ATXN2: variants seen among roughly 807,000 people sequenced by gnomAD.
ATXN2 encodes ataxin 2.
A neutral mutation model predicts 138.6 loss-of-function variants in ATXN2; 37 were observed. The ratio of observed to expected loss-of-function variants is 0.27; its 90% CI spans 0.21 to 0.35. The LOEUF is 0.35. ATXN2 is among the 10% of genes least tolerant of loss of function. The pLI, the probability that ATXN2 is intolerant of heterozygous loss-of-function variation, is 1.00. For missense variants in ATXN2, 1,216 were observed against 1,480.3 expected, an observed-to-expected ratio of 0.82 and a Z score of 2.93; for synonymous variants, 549 against 543.7, an observed-to-expected ratio of 1.01 and a Z score of -0.13.
intron 5 of ATXN2, among the ~76,000 whole-genome samples, chr12:111,531,698 T>C (rs1440643569): frequency 6.6e-6 from 1 of 152,164 alleles, no homozygotes; most frequent in Non-Finnish European, 1.5e-5. Flanking sequence ...ATGTATGGAC[T>C]GGAACAACAA....
At chr12:111,558,273 C>T (rs957067721) in intron 1 of ATXN2, among the ~76,000 whole-genome samples, 11 of 152,192 alleles carry the variant, frequency 7.2e-5, no homozygotes, top group Admixed American at 1.3e-4. Context: ...TCAAGTTATG[C>T]TTTACTTTTA....
chr12:111,493,574 ACTC>A (rs1878193548), intron 14 of ATXN2, among the ~76,000 whole-genome samples: 1 of 152,066 alleles, frequency 6.6e-6, no homozygotes, highest in African/African-American at 2.4e-5. Context: ...ATAAACTACT[ACTC>A]ATATTTTGAG....
At position 111,598,560 on chromosome 12, in the gene ATXN2, C is replaced by T; in HGVS notation, c.251+224G>A. 1 of 984,346 alleles carries T rather than the reference C, an allele frequency of 1.0e-6. No individual in the cohort carries two copies. The highest frequency in any genetic ancestry group is 1.2e-6 in the Non-Finnish European group (1 of 829,072). The allele number at this position is 984,346 out of a possible 1,614,324, so 61.0% of individuals were successfully genotyped here. A position where few individuals can be genotyped will look rare whatever the true frequency, so the allele number is the denominator to read the frequency against. On this transcript the variant is annotated intron_variant, in intron 1 of 24. Coordinates refer to ENST00000673436, the MANE Select transcript of ATXN2 (RefSeq NM_001372574.1). The surrounding 1 kb of genome is among the most constrained non-coding windows in gnomAD (Gnocchi z 4.5). ...CCATCTTGACCGCCGGGGGAGGGGG[C>T]GGGGATGCTGCGGGAGGCTGGACAG...
intron 20 of ATXN2, chr12:111,469,593 C>A (rs1315680486): frequency 6.7e-6 from 1 of 149,578 alleles, no homozygotes; most frequent in Non-Finnish European, 1.5e-5. Context: ...TGACTCATGT[C>A]TAAAATATAT....
intron 22 of ATXN2, among the ~76,000 whole-genome samples, chr12:111,457,008 A>G (rs2135649760): frequency 6.6e-6 from 1 of 152,286 alleles, no homozygotes; most frequent in East Asian, 1.9e-4. Flanking sequence ...TCGGCCTCCC[A>G]AAGTGGTGGG....
chr12:111,516,941 C>T lies in ATXN2; in HGVS notation c.1166-578G>A, dbSNP rs954239366. 6.6e-6 allele frequency among the ~76,000 whole-genome samples: 1 copy of T among 152,120 alleles called. No homozygotes were observed. Among genetic ancestry groups the T allele is most frequent in the African/African-American group, 2.4e-5 (1 of 41,432 alleles). The stretch of plus-strand genomic sequence containing the variant: ...ATTTAAGTAGAAATAAAACATTACT[C>T]TTCTAGAGTTTGTGACTCCTGTGAG... On this transcript the variant is annotated intron_variant, in intron 9 of 24. Transcript: ENST00000673436. This position sits in a 1 kb window ranked among gnomAD's most constrained non-coding sequence, Gnocchi z 5.0.
chr12:111,488,463 C>T lies in ATXN2; in HGVS notation c.2240+13G>A. ...TTGAGTAACAGGATGGTCTAAGTTC[C>T]AGGTTTACTCACTCAGCTGCGTCTT... On this transcript the variant is annotated intron_variant, in intron 15 of 24. Coordinates refer to ENST00000673436, the MANE Select transcript of ATXN2 (RefSeq NM_001372574.1). 1 of 1,592,030 alleles carries T rather than the reference C, an allele frequency of 6.3e-7. No individual in the cohort carries two copies. Among genetic ancestry groups the T allele is most frequent in the Non-Finnish European group, 8.6e-7 (1 of 1,169,552 alleles).
intron 18 of ATXN2, among the ~76,000 whole-genome samples, chr12:111,479,390 T>TAA (rs33967202): frequency 0.021 from 1,057 of 49,682 alleles, 50 homozygotes; most frequent in African/African-American, 0.036. Context: ...CCGTCTCTGC[T>TAA]AAAAAAAAAA....
intron 5 of ATXN2, among the ~76,000 whole-genome samples, chr12:111,539,045 A>C (rs943182810): frequency 2.7e-5 from 4 of 150,458 alleles, no homozygotes; most frequent in African/African-American, 7.3e-5. Flanking sequence ...AAGTTTTAGA[A>C]AAGATTCCAA....
intron 1 of ATXN2, among the ~76,000 whole-genome samples, chr12:111,582,292 A>C (rs1013350982): frequency 4.6e-5 from 7 of 152,040 alleles, no homozygotes; most frequent in Non-Finnish European, 1.5e-5. Flanking sequence ...AAAAATACAA[A>C]AAATTAACCA....
chr12:111,475,200 C>T (rs909270386), intron 18 of ATXN2, among the ~76,000 whole-genome samples: 2 of 150,780 alleles, frequency 1.3e-5, no homozygotes, highest in Admixed American at 6.6e-5. Flanking sequence ...GGCAACAGAG[C>T]GAGACTCTGT....
At chr12:111,533,912 T>C (rs1880991458) in intron 5 of ATXN2, among the ~76,000 whole-genome samples, 3 of 152,124 alleles carry the variant, frequency 2.0e-5, no homozygotes, top group Admixed American at 6.6e-5. Flanking sequence ...ATTTGCAAAC[T>C]AACATTTGAA....
intron 5 of ATXN2, among the ~76,000 whole-genome samples, chr12:111,535,323 G>A (rs948175076): frequency 6.6e-6 from 1 of 152,232 alleles, no homozygotes; most frequent in South Asian, 2.1e-4. Context: ...ATTAAATCCA[G>A]GAGTAAAAGA....
intron 18 of ATXN2, among the ~76,000 whole-genome samples, chr12:111,478,463 T>C (rs1876982719): frequency 6.6e-6 from 1 of 151,890 alleles, no homozygotes. Flanking sequence ...TAAAAAAAGG[T>C]TGACAGCTGA....
chr12:111,597,013 AG>A (rs1884970342), intron 1 of ATXN2, among the ~76,000 whole-genome samples: 5 of 152,314 alleles, frequency 3.3e-5, no homozygotes, highest in Admixed American at 3.3e-4. Context: ...TTTCTATAAA[AG>A]TTGTATTTTA....
At chr12:111,574,633 G>A (rs1395198095) in intron 1 of ATXN2, among the ~76,000 whole-genome samples, 1 of 151,954 alleles carries the variant, frequency 6.6e-6, no homozygotes, top group Non-Finnish European at 1.5e-5. Flanking sequence ...ATGTTGCCTA[G>A]GCTGATCTTG....
Position 111,510,584 on chromosome 12 carries a change from TAGA to T in ATXN2, c.1559-5_1559-3del. The T allele has an allele frequency of 6.3e-7, 1 of 1,599,034 alleles. No individual in the cohort carries two copies. ...GAGTTTTAGGGGATAATCTTGGAAC[TAGA>T]AGAAAGGGAAAATGTATTTATTACA... On this transcript the variant is annotated splice_polypyrimidine_tract_variant and splice_region_variant and intron_variant, in intron 11 of 24. Transcript: ENST00000673436.
chr12:111,518,777 C>T (rs2135739624), intron 8 of ATXN2, among the ~76,000 whole-genome samples: 1 of 152,284 alleles, frequency 6.6e-6, no homozygotes, highest in Admixed American at 6.5e-5. Context: ...TCTTCTCTCA[C>T]TGGCTGTTCT....
chr12:111,519,759 C>T lies in ATXN2; in HGVS notation c.986+120G>A, dbSNP rs1880053152. On this transcript the variant is annotated intron_variant, in intron 8 of 24. Transcript: ENST00000673436. Reference sequence around the variant, plus strand: ...TTCTCTAACAGATCTTAAACCAATTCTACTTGCATTCTCTACCTAAGCTAT... The same window carrying T: ...TTCTCTAACAGATCTTAAACCAATTTTACTTGCATTCTCTACCTAAGCTAT... 2.7e-6 allele frequency: 4 copies of T among 1,506,830 alleles called. No individual in the cohort carries two copies. The South Asian group carries it at 3.9e-5, about 15-fold the overall frequency. 93.3% of individuals were successfully genotyped at this position (1,506,830 alleles called of 1,614,324 possible).
Sources: allele counts gnomAD v4.1 joint callset (sites outside exome capture counted in the v4.1 genomes callset), GRCh38; gene constraint gnomAD v4.1.1; non-coding constraint Gnocchi (gnomAD v3.1); transcripts MANE v1.5; gene names NCBI Gene and HGNC (gene_info 2026-07-23, HGNC 2026-07-21).